Variants in CAMK2D observed in about 807,000 individuals in gnomAD.
CAMK2D encodes calcium/calmodulin dependent protein kinase II delta, also known as calcium/calmodulin-dependent protein kinase type II subunit delta.
A neutral mutation model predicts 84.0 loss-of-function variants in CAMK2D; 37 were observed. The ratio of observed to expected loss-of-function variants is 0.44; its 90% CI spans 0.34 to 0.58. The LOEUF (loss-of-function observed/expected upper bound fraction) is 0.58. Among genes scored for constraint, CAMK2D ranks in the 20% least tolerant of loss-of-function variants. The pLI is 0.02. For missense variants in CAMK2D, 448 were observed against 652.5 expected (o/e 0.69, Z 3.41); for synonymous variants, 202 against 212.5 (o/e 0.95, Z 0.43).
intron 4 of CAMK2D, among the ~76,000 whole-genome samples, chr4:113,573,676 T>C (rs1331296345): frequency 2.0e-5 from 3 of 152,220 alleles, no homozygotes; most frequent in African/African-American, 4.8e-5. Context: ...ACTACTTCCA[T>C]ACATTTTCCA....
chr4:113,662,708 T>C (rs1293506870), intron 2 of CAMK2D, among the ~76,000 whole-genome samples: 1 of 152,210 alleles, frequency 6.6e-6, no homozygotes, highest in African/African-American at 2.4e-5. Context: ...ATCCACTATT[T>C]CTTTTGCATT....
chr4:113,637,481 G>A (rs1257900111), intron 3 of CAMK2D, among the ~76,000 whole-genome samples: 1 of 152,198 alleles, frequency 6.6e-6, no homozygotes, highest in Non-Finnish European at 1.5e-5. Flanking sequence ...AGTCCCATTA[G>A]CAAGTTTCAT....
rs1196033387 is a variant in CAMK2D, at chr4:113,761,131, T to C, written c.-63A>G. ...GACCAGAAGCGAGCAGACGCGCGGC[T>C]AACCCCGGGACTGGCCCCGCGGCGC... On this transcript the variant is annotated 5_prime_UTR_variant, in exon 1 of 21. Transcript: ENST00000511664. The C allele has an allele frequency of 4.3e-6, 7 of 1,609,884 alleles. No individual in the cohort carries two copies. Among genetic ancestry groups the C allele is most frequent in the Non-Finnish European group, 5.9e-6 (7 of 1,179,444 alleles).
chr4:113,591,309 ATCT>A (rs1010892459), intron 4 of CAMK2D, among the ~76,000 whole-genome samples: 4 of 152,202 alleles, frequency 2.6e-5, no homozygotes, highest in Admixed American at 6.5e-5. Flanking sequence ...GAGAGATAAA[ATCT>A]TCTTTTCTCT....
chr4:113,612,982 C>A (rs2099006659), intron 3 of CAMK2D, among the ~76,000 whole-genome samples: 1 of 152,062 alleles, frequency 6.6e-6, no homozygotes. Context: ...CAGTTTCTAG[C>A]TAAATATTAG....
intron 16 of CAMK2D, among the ~76,000 whole-genome samples, chr4:113,490,749 C>T (rs1368374137): frequency 2.0e-5 from 3 of 146,866 alleles, no homozygotes; most frequent in South Asian, 2.2e-4. Flanking sequence ...GTCATTTTCA[C>T]GATATTGATT....
intron 2 of CAMK2D, among the ~76,000 whole-genome samples, chr4:113,734,814 T>C (rs112052270): frequency 1.3e-4 from 20 of 151,206 alleles, no homozygotes; most frequent in Admixed American, 2.6e-4. Context: ...GGAAAAAGTA[T>C]AATATGACCA....
intron 8 of CAMK2D, among the ~76,000 whole-genome samples, chr4:113,524,572 G>C (rs1337563335): frequency 6.6e-6 from 1 of 152,148 alleles, no homozygotes. Flanking sequence ...TCCACCTCCT[G>C]GTTGTTGTGA....
intron 19 of CAMK2D, among the ~76,000 whole-genome samples, chr4:113,456,076 T>C (rs748840215): frequency 1.3e-5 from 2 of 152,222 alleles, no homozygotes; most frequent in Non-Finnish European, 2.9e-5. Flanking sequence ...GTTTTGGGAA[T>C]AAATTTCAGC....
At chr4:113,681,876 A>C (rs2099346964) in intron 2 of CAMK2D, among the ~76,000 whole-genome samples, 1 of 152,120 alleles carries the variant, frequency 6.6e-6, no homozygotes, top group African/African-American at 2.4e-5. Flanking sequence ...TAAAAAAAAA[A>C]AACAGCCTTT....
chr4:113,629,048 T>C (rs919956198), intron 3 of CAMK2D, among the ~76,000 whole-genome samples: 2 of 151,942 alleles, frequency 1.3e-5, no homozygotes, highest in African/African-American at 4.8e-5. Flanking sequence ...TATATATATA[T>C]ATATAACTCA....
rs777424214 is a variant in CAMK2D at position 113,515,186 on chromosome 4, T to G, written c.702A>C (p.Pro234=). 16 of 1,587,240 alleles carry G rather than the reference T, an allele frequency of 1.0e-5. No homozygotes were observed. Residue 234 remains proline (P), a synonymous_variant, in exon 10 of 21, where the codon CCA becomes CCC. Coordinates refer to ENST00000511664, the MANE Select transcript of CAMK2D (RefSeq NM_001321571.2). ...QQIKAGAYDF[P]SPEWDTVTPE... is the part of the protein sequence containing the mutation. ...GAGTCACCGTGTCCCATTCTGGTGA[T>G]GGAAACTTCAAAAATATAAATTTAT...
intron 2 of CAMK2D, among the ~76,000 whole-genome samples, chr4:113,706,706 T>C (rs2099458222): frequency 6.6e-6 from 1 of 152,162 alleles, no homozygotes; most frequent in Non-Finnish European, 1.5e-5. Context: ...CTTATTAAAT[T>C]CCCATCAGCA....
intron 3 of CAMK2D, among the ~76,000 whole-genome samples, chr4:113,621,712 C>T (rs2099047144): frequency 6.6e-6 from 1 of 152,140 alleles, no homozygotes; most frequent in Non-Finnish European, 1.5e-5. Context: ...TAACTGTGAA[C>T]AAATCAAGGA....
chr4:113,588,235 C>G (rs1454092890), intron 4 of CAMK2D, among the ~76,000 whole-genome samples: 2 of 152,100 alleles, frequency 1.3e-5, no homozygotes, highest in African/African-American at 4.8e-5. Flanking sequence ...TAGTATCAGG[C>G]TCCCCGGGTA....
At chr4:113,664,936 T>G (rs2099251885) in intron 2 of CAMK2D, among the ~76,000 whole-genome samples, 2 of 152,278 alleles carry the variant, frequency 1.3e-5, no homozygotes, top group South Asian at 4.1e-4. Flanking sequence ...CCCAAGTAGC[T>G]GGCATTGCAG....
At chr4:113,629,211 T>C (rs1344136524) in intron 3 of CAMK2D, among the ~76,000 whole-genome samples, 1 of 152,024 alleles carries the variant, frequency 6.6e-6, no homozygotes, top group Non-Finnish European at 1.5e-5. Flanking sequence ...CGGAAAACCT[T>C]TTAGAAACTA....
At chr4:113,723,225 CTTT>C (rs869114577) in intron 2 of CAMK2D, among the ~76,000 whole-genome samples, 3 of 140,408 alleles carry the variant, frequency 2.1e-5, no homozygotes. Context: ...CCAAAAATAA[CTTT>C]TTTTTTTTTT....
intron 16 of CAMK2D, among the ~76,000 whole-genome samples, chr4:113,497,749 G>A (rs2097959039): frequency 6.6e-6 from 1 of 152,222 alleles, no homozygotes; most frequent in African/African-American, 2.4e-5. Context: ...TGGTATGGGA[G>A]GCATGTGACA....
Sources: gnomAD v4.1 joint callset for allele counts (sites outside exome capture counted in the v4.1 genomes callset) on GRCh38, gnomAD v4.1.1 for gene constraint, MANE v1.5 for transcripts, NCBI Gene and HGNC (gene_info 2026-07-23, HGNC 2026-07-21) for gene names.